Variants in SEMA5B observed in about 807,000 individuals in gnomAD.
The protein encoded by SEMA5B is semaphorin 5B.
Under a neutral mutation model 135.0 loss-of-function variants are expected in SEMA5B, and 66 were observed. The ratio of observed to expected loss-of-function variants is 0.49; its 90% confidence interval spans 0.40 to 0.60. The LOEUF (loss-of-function observed/expected upper bound fraction) is 0.60. Among genes scored for constraint, SEMA5B ranks in the 20% least tolerant of loss-of-function variants. SEMA5B has a pLI of 0.00. For missense variants in SEMA5B, 1,501 were observed against 1,566.3 expected, an observed-to-expected ratio of 0.96 and a Z score of 0.70; for synonymous variants, 690 against 639.5, an observed-to-expected ratio of 1.08 and a Z score of -1.19.
At chr3:122,948,397 T>G in intron 3 of SEMA5B, 109 bp downstream of exon 3, 1 of 913,868 alleles carries the variant, frequency 1.1e-6, no homozygotes, top group Non-Finnish European at 1.6e-6. Context: ...CAGCAGTTAA[T>G]GAACATCCCA....
rs1300442394 is a variant in SEMA5B at position 122,993,750 on chromosome 3, C to T, written c.-38-32449G>A. Among the ~76,000 whole-genome samples the T allele has an allele frequency of 5.9e-5, 9 of 151,842 alleles. No individual in the cohort carries two copies. In the South Asian group the frequency reaches 6.2e-4, roughly 11 times the overall value. On this transcript the variant is annotated intron_variant, in intron 1 of 22. Transcript: ENST00000357599. ...CCTTCCTCCCCGCCCCCTTGCCACC[C>T]GCTCTGGGAGGGTGATAATGCCACC... is the stretch of plus-strand genomic sequence containing the variant.
At chr3:122,988,693 C>T (rs546513225) in intron 1 of SEMA5B, among the ~76,000 whole-genome samples, 1 of 152,320 alleles carries the variant, frequency 6.6e-6, no homozygotes, top group Admixed American at 6.5e-5. Flanking sequence ...TCTGTTATCT[C>T]CTAAGGCCTT....
chr3:122,926,382 C>T lies in SEMA5B; in HGVS notation c.1136+10G>A. 6.2e-7 allele frequency: 1 copy of T among 1,604,532 alleles called. No homozygotes were observed. The highest frequency in any genetic ancestry group is 8.5e-7 in the Non-Finnish European group (1 of 1,173,512). Reference sequence around the variant, plus strand: ...TCACAGGCAAGGGGCTGGCAGAGGGCAGGACTCACACGTTGGTTGTGAAAA... The same window carrying T: ...TCACAGGCAAGGGGCTGGCAGAGGGTAGGACTCACACGTTGGTTGTGAAAA... On this transcript the variant is annotated intron_variant, in intron 9 of 22. Coordinates refer to ENST00000357599, the MANE Select transcript of SEMA5B (RefSeq NM_001031702.4).
At position 122,922,368 on chromosome 3, in the gene SEMA5B, A is replaced by G; in HGVS notation, c.1352T>C (p.Met451Thr). 1 of 1,613,106 alleles carries G rather than the reference A, an allele frequency of 6.2e-7. No homozygotes were observed. Residue 451 changes from methionine (M) to threonine (T), a missense_variant, in exon 11 of 23, where the codon ATG (methionine) becomes ACG (threonine). Coordinates refer to ENST00000357599, the MANE Select transcript of SEMA5B (RefSeq NM_001031702.4). Reference sequence around the variant, plus strand: ...TGTCACCGGCTGCACGGCCTCGCTCATCAGGAAGAGGCGCTGCGCGTCCTG... The same window carrying G: ...TGTCACCGGCTGCACGGCCTCGCTCGTCAGGAAGAGGCGCTGCGCGTCCTG... ...SLQDAQRLFL[M>T]SEAVQPVTPE...
intron 2 of SEMA5B, among the ~76,000 whole-genome samples, chr3:122,953,452 A>G (rs1940145509): frequency 1.3e-5 from 2 of 152,192 alleles, no homozygotes; most frequent in Non-Finnish European, 2.9e-5. Flanking sequence ...TTATGTAAAT[A>G]TGTCCTCCAA....
At position 122,910,842 on chromosome 3, in the gene SEMA5B, T is replaced by G. The variant is rs1473976384; in HGVS notation, c.3295A>C (p.Lys1099Gln). ...AAAAAAAAAAAGAAGGCTCCCACCTTGAATTCCATGGGTGTGTACTTTTCA... is the reference window on the plus strand; with the variant it reads ...AAAAAAAAAAAGAAGGCTCCCACCTGGAATTCCATGGGTGTGTACTTTTCA... ...KNEKYTPMEF[K>Q]TLNKNNLIPD... The change falls in exon 22 of 23, where the codon AAG becomes CAG. Residue 1099 changes from lysine (K) to glutamine (Q), a missense_variant and splice_region_variant. By Grantham distance (53) the Lys-to-Gln change is moderately conservative. Around this residue, in one of 2 missense-constraint regions of SEMA5B, gnomAD observed 927 missense variants for 881.6 expected, o/e 1.05. Transcript: ENST00000357599. 6.3e-7 allele frequency: 1 copy of G among 1,576,274 alleles called. No individual in the cohort carries two copies. Among genetic ancestry groups the G allele is most frequent in the African/African-American group, 1.4e-5 (1 of 72,312 alleles).
intron 1 of SEMA5B, among the ~76,000 whole-genome samples, chr3:122,998,188 C>A (rs2107745485): frequency 6.6e-6 from 1 of 152,180 alleles, no homozygotes; most frequent in East Asian, 1.9e-4. Flanking sequence ...CAGGGCCCAT[C>A]CACAAAGCCA....
chr3:122,984,412 C>A (rs143373730), intron 1 of SEMA5B, among the ~76,000 whole-genome samples: 1 of 152,250 alleles, frequency 6.6e-6, no homozygotes, highest in South Asian at 2.1e-4. Context: ...GCCACTAAAA[C>A]CCCCCTTTGC....
chr3:122,967,252 T>C (rs1940895832), intron 1 of SEMA5B, among the ~76,000 whole-genome samples: 1 of 152,218 alleles, frequency 6.6e-6, no homozygotes, highest in Non-Finnish European at 1.5e-5. Context: ...CAGCAATTAT[T>C]CACTTTTGAA....
Position 122,912,223 on chromosome 3 carries a change from A to C in SEMA5B, c.2845T>G (p.Cys949Gly), listed in dbSNP as rs766739091. ...SPAPSPGEDI[C>G]LGLHTEEALC... is the part of the protein sequence containing the mutation. ...GCCTCCTCCGTGTGCAGCCCGAGAC[A>C]GATGTCCTCACCTGGGGAGGGTGCG... Residue 949 changes from cysteine (C) to glycine (G), a missense_variant, in exon 19 of 23, where the codon TGT becomes GGT. Physicochemically the swap from Cys to Gly is radical, Grantham distance 159 (BLOSUM62 -3). Coordinates refer to ENST00000357599, the MANE Select transcript of SEMA5B (RefSeq NM_001031702.4). 1 of 1,610,084 alleles carries C rather than the reference A, an allele frequency of 6.2e-7. No homozygotes were observed. Among genetic ancestry groups the C allele is most frequent in the Non-Finnish European group, 8.5e-7 (1 of 1,177,642 alleles).
chr3:122,955,550 G>C (rs369056691), intron 2 of SEMA5B, among the ~76,000 whole-genome samples: 3 of 152,104 alleles, frequency 2.0e-5, no homozygotes, highest in Non-Finnish European at 4.4e-5. Flanking sequence ...TTTCTAACAC[G>C]TCTGTCTGAT....
chr3:122,920,252 CA>C (rs1411423667), intron 12 of SEMA5B, among the ~76,000 whole-genome samples: 1 of 152,222 alleles, frequency 6.6e-6, no homozygotes, highest in African/African-American at 2.4e-5. Context: ...TCTCCTGCGC[CA>C]AACTCCTCTC....
chr3:122,953,308 A>G (rs1000125174), intron 2 of SEMA5B, among the ~76,000 whole-genome samples: 5 of 152,100 alleles, frequency 3.3e-5, no homozygotes, highest in Non-Finnish European at 7.4e-5. Flanking sequence ...CCCCAGGCCT[A>G]GCCCTGTATG....
At chr3:122,998,762 A>G (rs926860257) in intron 1 of SEMA5B, among the ~76,000 whole-genome samples, 1 of 151,042 alleles carries the variant, frequency 6.6e-6, no homozygotes, top group African/African-American at 2.5e-5. Context: ...ACTCAGTGAA[A>G]AGATACTCCA....
intron 1 of SEMA5B, among the ~76,000 whole-genome samples, chr3:122,967,079 T>C (rs1940886053): frequency 6.7e-6 from 1 of 150,210 alleles, no homozygotes; most frequent in Non-Finnish European, 1.5e-5. Flanking sequence ...AGACGGGGGT[T>C]TCTCCATGTT....
chr3:122,993,639 A>G (rs564845854), intron 1 of SEMA5B, among the ~76,000 whole-genome samples: 13 of 152,168 alleles, frequency 8.5e-5, no homozygotes, highest in African/African-American at 3.1e-4. Flanking sequence ...CTCTAATTTC[A>G]TGCAATCCCT....
In SEMA5B at chr3:122,921,028, C is replaced by T. The variant is rs558329127; in HGVS notation, c.1688+887G>A. 6.6e-5 allele frequency among the ~76,000 whole-genome samples: 10 copies of T among 152,326 alleles called. No individual in the cohort carries two copies. In the South Asian group the frequency reaches 1.9e-3, roughly 28 times the overall value. On this transcript the variant is annotated intron_variant, in intron 12 of 22. Coordinates refer to ENST00000357599, the MANE Select transcript of SEMA5B (RefSeq NM_001031702.4). Reference sequence around the variant, plus strand: ...TGGCTGCCTCACCAAGACCATCCAGCTCCTCTTGGCCCCACAGGCCTCTGC... The same window carrying T: ...TGGCTGCCTCACCAAGACCATCCAGTTCCTCTTGGCCCCACAGGCCTCTGC...
At chr3:123,026,373 C>G (rs1304490147) in intron 1 of SEMA5B, among the ~76,000 whole-genome samples, 1 of 152,102 alleles carries the variant, frequency 6.6e-6, no homozygotes, top group Non-Finnish European at 1.5e-5. Flanking sequence ...CTCCTCTCTC[C>G]CCATCCAGAC....
chr3:122,949,722 A>T (rs1939961216), intron 2 of SEMA5B, among the ~76,000 whole-genome samples: 1 of 152,128 alleles, frequency 6.6e-6, no homozygotes, highest in Non-Finnish European at 1.5e-5. Flanking sequence ...TGTTCTAGGT[A>T]TTTTTCAGAC....
Sources: gnomAD v4.1 joint callset for allele counts (sites outside exome capture counted in the v4.1 genomes callset) on GRCh38, gnomAD v4.1.1 for gene constraint, gnomAD v4.1.1 regional missense constraint, MANE v1.5 for transcripts, NCBI Gene and HGNC (gene_info 2026-07-23, HGNC 2026-07-21) for gene names.